Variants in EPB41 observed in about 807,000 individuals in gnomAD.
The protein encoded by EPB41 is erythrocyte membrane protein band 4.1, also known as protein 4.1.
Under a neutral mutation model 108.0 loss-of-function variants are expected in EPB41, and 65 were observed. That is an observed-to-expected ratio of 0.60 (90% CI 0.49 to 0.74). EPB41 has a LOEUF of 0.74. Among genes scored for constraint, EPB41 ranks in the 30% least tolerant of loss-of-function variants. The probability of loss-of-function intolerance (pLI) is 0.00; values close to 1 mark genes in which losing one functional copy is unlikely to be tolerated. For synonymous variants in EPB41, 336 were observed against 358.9 expected, an observed-to-expected ratio of 0.94 and a Z score of 0.72; for missense variants, 875 against 1,037.0, an observed-to-expected ratio of 0.84 and a Z score of 2.15.
chr1:29,072,179 CTATT>C (rs1436877540), intron 16 of EPB41: 7 of 152,030 alleles, frequency 4.6e-5, no homozygotes, highest in Non-Finnish European at 8.8e-5. Context: ...CAGGCTATGT[CTATT>C]TATAATATAT....
chr1:28,964,180 CT>C (rs890081335), intron 1 of EPB41, among the ~76,000 whole-genome samples: 3 of 152,296 alleles, frequency 2.0e-5, no homozygotes, highest in Admixed American at 2.0e-4. Context: ...TGGCTTATGC[CT>C]GTAATCCCAG....
chr1:29,048,711 T>C (rs2150645997), intron 11 of EPB41, among the ~76,000 whole-genome samples: 1 of 152,346 alleles, frequency 6.6e-6, no homozygotes, highest in East Asian at 1.9e-4. Context: ...CCATGATGAC[T>C]TCTTTTTTTT....
chr1:29,085,387 C>T lies in EPB41; in HGVS notation c.2185-12420C>T, dbSNP rs187584419. ...TTCGAACTCCTGATCTCAAATGATC[C>T]GCCTGCCTCAGCCTCCCAAATTGCT... On this transcript the variant is annotated intron_variant, in intron 16 of 20. Coordinates refer to ENST00000343067, the MANE Select transcript of EPB41 (RefSeq NM_001376013.1). 9.2e-5 allele frequency among the ~76,000 whole-genome samples: 14 copies of T among 151,826 alleles called. 1 individual carries two copies. The highest frequency in any genetic ancestry group is 2.2e-4 in the African/African-American group (9 of 41,426).
Position 29,030,451 on chromosome 1 carries a change from G to T in EPB41, c.1176G>T (p.Lys392Asn). The change falls in exon 8 of 21, where the codon AAG becomes AAT. Residue 392 changes from lysine (K) to asparagine (N), a missense_variant. Lys to Asn is a moderately conservative substitution (Grantham distance 94, BLOSUM62 0). This residue lies in a region of EPB41 where 519 missense variants were observed against 627.3 expected (regional missense o/e 0.83). Transcript: ENST00000343067. ...TGGAGTTTCTTGAGAATGCCAAAAA[G>T]TTGTCTATGTATGGAGTTGATCTTC... The part of the protein sequence containing the change: ...ADLEFLENAK[K>N]LSMYGVDLHK... The T allele has an allele frequency of 6.2e-7, 1 of 1,614,106 alleles. No individual in the cohort carries two copies.
intron 16 of EPB41, among the ~76,000 whole-genome samples, chr1:29,084,752 G>A (rs1000340680): frequency 2.6e-5 from 4 of 152,096 alleles, no homozygotes; most frequent in African/African-American, 9.7e-5. Context: ...ATTATAAATG[G>A]TATTCTTCCT....
In EPB41 at chr1:28,887,468, G is replaced by T. The variant is rs1431741552; in HGVS notation, c.-8+258G>T. 1 of 985,150 alleles carries T rather than the reference G, an allele frequency of 1.0e-6. No homozygotes were observed. The highest frequency in any genetic ancestry group is 1.2e-6 in the Non-Finnish European group (1 of 829,872). The allele number at this position is 985,150 out of a possible 1,614,324, so 61.0% of individuals were successfully genotyped here. A position where few individuals can be genotyped will look rare whatever the true frequency, so the allele number is the denominator to read the frequency against. On this transcript the variant is annotated intron_variant, in intron 1 of 16. Coordinates refer to the EPB41 transcript ENST00000347529. The surrounding 1 kb of genome is among the most constrained non-coding windows in gnomAD (Gnocchi z 4.9). ...GGGGGTCCGGGAGCTCGGATCCGGA[G>T]CTAGACACGTCCGGGTCCGGCCGGT...
At chr1:29,003,558 C>T (rs1478257941) in intron 4 of EPB41, among the ~76,000 whole-genome samples, 4 of 152,112 alleles carry the variant, frequency 2.6e-5, no homozygotes, top group Non-Finnish European at 5.9e-5. Context: ...GTTTTCTGTT[C>T]TTTCCATTCT....
At chr1:29,073,912 T>C (rs965893260) in intron 16 of EPB41, among the ~76,000 whole-genome samples, 2 of 152,186 alleles carry the variant, frequency 1.3e-5, no homozygotes, top group Non-Finnish European at 2.9e-5. Context: ...ATTATAAATT[T>C]TACTCTGAAA....
intron 1 of EPB41, among the ~76,000 whole-genome samples, chr1:28,983,372 C>T (rs912346727): frequency 6.6e-6 from 1 of 152,150 alleles, no homozygotes; most frequent in Non-Finnish European, 1.5e-5. Context: ...TTTTGCAGTA[C>T]GTTCTCAAAG....
At chr1:29,029,376 T>G (rs1220520560) in intron 7 of EPB41, among the ~76,000 whole-genome samples, 1 of 151,998 alleles carries the variant, frequency 6.6e-6, no homozygotes, top group African/African-American at 2.4e-5. Context: ...CATATTTTGG[T>G]GGTTGTTGTT....
At chr1:29,002,979 C>A (rs1408211642) in intron 4 of EPB41, among the ~76,000 whole-genome samples, 1 of 152,220 alleles carries the variant, frequency 6.6e-6, no homozygotes. Context: ...CATCTACCCA[C>A]TTCCTTTAGG....
chr1:28,982,544 C>G, intron 1 of EPB41: 1 of 1,346,976 alleles, frequency 7.4e-7, no homozygotes, highest in Non-Finnish European at 1.1e-6. Context: ...ACGATGACGG[C>G]TTTGCATCCA....
At chr1:29,052,827 T>C (rs1259337387) in intron 11 of EPB41, among the ~76,000 whole-genome samples, 1 of 152,218 alleles carries the variant, frequency 6.6e-6, no homozygotes, top group Non-Finnish European at 1.5e-5. Flanking sequence ...ATTTTCTATT[T>C]CTTTTCTTTG....
chr1:29,007,687 C>T (rs966187538), intron 4 of EPB41, among the ~76,000 whole-genome samples: 2 of 152,126 alleles, frequency 1.3e-5, no homozygotes, highest in African/African-American at 4.8e-5. Context: ...CTCCTTGAAA[C>T]TTCCTATTCC....
At chr1:29,092,858 C>T (rs1167987567) in intron 16 of EPB41, among the ~76,000 whole-genome samples, 1 of 152,182 alleles carries the variant, frequency 6.6e-6, no homozygotes, top group Non-Finnish European at 1.5e-5. Context: ...CCAGCTCCAT[C>T]TGTGTTCCTG....
At chr1:29,034,544 ATC>A (rs1638641439) in intron 9 of EPB41, among the ~76,000 whole-genome samples, 1 of 152,338 alleles carries the variant, frequency 6.6e-6, no homozygotes, top group South Asian at 2.1e-4. Flanking sequence ...AGATGATATT[ATC>A]TAATCATAGT....
chr1:28,993,203 A>G, intron 2 of EPB41, 127 bp from the exon 3 acceptor site: 2 of 768,306 alleles, frequency 2.6e-6, no homozygotes, highest in East Asian at 2.6e-5. Context: ...AAAATATTTA[A>G]TATTAATGTC....
At chr1:29,016,129 G>A (rs1313958122) in intron 6 of EPB41, among the ~76,000 whole-genome samples, 1 of 151,938 alleles carries the variant, frequency 6.6e-6, no homozygotes, top group Non-Finnish European at 1.5e-5. Flanking sequence ...TTTGTTTTTT[G>A]GGGTCTCTTT....
chr1:28,948,542 G>A (rs1361470108), intron 1 of EPB41, among the ~76,000 whole-genome samples: 1 of 150,718 alleles, frequency 6.6e-6, no homozygotes, highest in African/African-American at 2.4e-5. Flanking sequence ...AGAAAGTGAA[G>A]CAGCAACTAT....
Sources: gnomAD v4.1 joint callset for allele counts (sites outside exome capture counted in the v4.1 genomes callset) on GRCh38, gnomAD v4.1.1 for gene constraint, gnomAD v4.1.1 regional missense constraint, Gnocchi (gnomAD v3.1) non-coding constraint, MANE v1.5 for transcripts, NCBI Gene and HGNC (gene_info 2026-07-23, HGNC 2026-07-21) for gene names.